The following PALLD variants were observed in gnomAD, a reference collection of about 807,000 sequenced individuals.
The protein encoded by PALLD is palladin.
In PALLD, 61 loss-of-function variants were observed where a neutral mutation model predicts 123.5. The ratio of observed to expected loss-of-function variants is 0.49; its 90% CI spans 0.40 to 0.61. PALLD has a LOEUF of 0.61. PALLD is among the 20% of genes least tolerant of loss of function. PALLD has a pLI of 0.00. For missense variants in PALLD, 1,273 were observed against 1,377.0 expected (o/e 0.92, Z 1.20); for synonymous variants, 465 against 496.4 (o/e 0.94, Z 0.84).
chr4:168,796,465 G>A (rs1185410248), intron 10 of PALLD, among the ~76,000 whole-genome samples: 1 of 152,186 alleles, frequency 6.6e-6, no homozygotes, highest in Non-Finnish European at 1.5e-5. Flanking sequence ...GTCTCATCAT[G>A]CATTATTTGC....
intron 2 of PALLD, among the ~76,000 whole-genome samples, chr4:168,601,454 AC>A (rs973782374): frequency 9.9e-5 from 15 of 152,046 alleles, no homozygotes; most frequent in African/African-American, 3.4e-4. Flanking sequence ...CACCACTACC[AC>A]CGTCACCACC....
Position 168,511,663 on chromosome 4 carries a change from C to A in PALLD, c.159C>A (p.Ser53=). Residue 53 remains serine, a synonymous_variant, in exon 2 of 22, where the codon TCC becomes TCA. Transcript: ENST00000505667. The stretch of plus-strand genomic sequence containing the variant: ...TGGCCCGGAGAGCCATAGCCGACTC[C>A]GAAACAGAAGATTTTGACTCGGAAA... ...LDLARRAIAD[S]ETEDFDSEKE... 1 of 1,614,120 alleles carries A rather than the reference C, an allele frequency of 6.2e-7. No homozygotes were observed. The highest frequency in any genetic ancestry group is 8.5e-7 in the Non-Finnish European group (1 of 1,180,022).
rs767777801 is a variant in PALLD at position 168,850,523 on chromosome 4, C to CTTTTT, written c.1965-40375_1965-40371dup. On this transcript the variant is annotated intron_variant, in intron 10 of 21. Coordinates refer to ENST00000505667, the MANE Select transcript of PALLD (RefSeq NM_001166108.2). Reference sequence around the variant, plus strand: ...TATATAATTTGTAAGTCTGTCATTTCTTTTTTTTTTTTTTTTTTTTTTTTT... The same window carrying CTTTTT: ...TATATAATTTGTAAGTCTGTCATTTCTTTTTTTTTTTTTTTTTTTTTTTTTTTTTT... Among the ~76,000 whole-genome samples the CTTTTT allele has an allele frequency of 3.9e-3, 137 of 34,706 alleles. 20 individuals are homozygous for CTTTTT. The highest frequency in any genetic ancestry group is 4.9e-3 in the Non-Finnish European group (105 of 21,434). 22.8% of individuals were successfully genotyped at this position (34,706 alleles called of 152,430 possible). A position where few individuals can be genotyped will look rare whatever the true frequency, so the allele number is the denominator to read the frequency against.
At chr4:168,602,942 A>C in intron 2 of PALLD, among the ~76,000 whole-genome samples, 1 of 152,136 alleles carries the variant, frequency 6.6e-6, no homozygotes. Context: ...TTAAAAAAAA[A>C]AAAATTGCAG....
intron 2 of PALLD, among the ~76,000 whole-genome samples, chr4:168,566,631 G>T (rs909376689): frequency 1.3e-5 from 2 of 152,054 alleles, no homozygotes; most frequent in African/African-American, 4.8e-5. Context: ...AAATTGTACT[G>T]ATTCTTGAGT....
At chr4:168,843,327 C>T (rs950804239) in intron 10 of PALLD, among the ~76,000 whole-genome samples, 15 of 151,274 alleles carry the variant, frequency 9.9e-5, no homozygotes, top group Middle Eastern at 3.4e-3. Context: ...ACCTGGTCAG[C>T]GCTTATCTTC....
intron 3 of PALLD, among the ~76,000 whole-genome samples, chr4:168,675,663 T>A (rs761450432): frequency 6.6e-6 from 1 of 152,344 alleles, no homozygotes; most frequent in East Asian, 1.9e-4. Flanking sequence ...GTTAATCCAC[T>A]GGGGTGGTGC....
At chr4:168,656,603 G>A (rs1193052636) in intron 2 of PALLD, among the ~76,000 whole-genome samples, 9 of 152,108 alleles carry the variant, frequency 5.9e-5, no homozygotes, top group Admixed American at 2.0e-4. Context: ...TAGTTTACCC[G>A]AAACAGTTAT....
At chr4:168,748,057 A>C (rs1324176799) in intron 10 of PALLD, among the ~76,000 whole-genome samples, 1 of 152,240 alleles carries the variant, frequency 6.6e-6, no homozygotes, top group Non-Finnish European at 1.5e-5. Context: ...GGACGGAGGA[A>C]CAGGAGAAAA....
At chr4:168,750,154 C>G (rs2150381273) in intron 10 of PALLD, among the ~76,000 whole-genome samples, 1 of 152,200 alleles carries the variant, frequency 6.6e-6, no homozygotes, top group African/African-American at 2.4e-5. Context: ...ACCATGTTGG[C>G]CAGGCTGGTC....
intron 9 of PALLD, 111 bp from the exon 10 acceptor site, chr4:168,711,470 C>G: frequency 1.2e-6 from 1 of 831,786 alleles, no homozygotes; most frequent in East Asian, 2.5e-5. Flanking sequence ...ATCACCTCTT[C>G]TTTAACAACT....
At chr4:168,510,741 C>G (rs1489605710) in intron 1 of PALLD, among the ~76,000 whole-genome samples, 1 of 152,206 alleles carries the variant, frequency 6.6e-6, no homozygotes, top group Non-Finnish European at 1.5e-5. Context: ...CATGCTCATT[C>G]ATTTCCATCA....
intron 3 of PALLD, among the ~76,000 whole-genome samples, chr4:168,677,597 T>C (rs1307393358): frequency 6.6e-6 from 1 of 152,164 alleles, no homozygotes; most frequent in African/African-American, 2.4e-5. Flanking sequence ...AGAGTGTGTG[T>C]GATAACTTCC....
intron 4 of PALLD, 98 bp downstream of exon 4, chr4:168,681,496 T>A: frequency 1.3e-6 from 1 of 771,510 alleles, no homozygotes; most frequent in Non-Finnish European, 2.3e-6. Context: ...AAGAAAAAAG[T>A]CAACTGATGT....
chr4:168,883,214 G>C lies in PALLD; in HGVS notation c.1965-7708G>C, dbSNP rs137933125. Reference sequence around the variant, plus strand: ...TATTTTCCTTTAAATATGAGCTTAAGTTACCCATTTTTTGTACTTTAACAG... The same window carrying C: ...TATTTTCCTTTAAATATGAGCTTAACTTACCCATTTTTTGTACTTTAACAG... On this transcript the variant is annotated intron_variant, in intron 10 of 21. Transcript: ENST00000505667. Among the ~76,000 whole-genome samples, 781 of 151,962 alleles carry C rather than the reference G, an allele frequency of 5.1e-3. 5 individuals are homozygous for C. Among genetic ancestry groups the C allele is most frequent in the Non-Finnish European group, 8.2e-3 (556 of 67,990 alleles).
At chr4:168,576,384 C>G (rs1429812900) in intron 2 of PALLD, among the ~76,000 whole-genome samples, 6 of 152,008 alleles carry the variant, frequency 3.9e-5, no homozygotes, top group Admixed American at 3.3e-4. Context: ...ATCCGTCCCC[C>G]CTCCCCCAAC....
At chr4:168,777,810 G>A (rs981581134) in intron 10 of PALLD, among the ~76,000 whole-genome samples, 2 of 152,104 alleles carry the variant, frequency 1.3e-5, no homozygotes, top group African/African-American at 4.8e-5. Context: ...CTTTACATGC[G>A]TGGGACTCTC....
At chr4:168,693,190 C>G (rs60200611) in intron 8 of PALLD, among the ~76,000 whole-genome samples, 1 of 142,774 alleles carries the variant, frequency 7.0e-6, no homozygotes, top group African/African-American at 2.7e-5. Context: ...ACTTATCCTA[C>G]ATACACTCCT....
chr4:168,577,272 C>A (rs1340935606), intron 2 of PALLD, among the ~76,000 whole-genome samples: 1 of 152,076 alleles, frequency 6.6e-6, no homozygotes, highest in Non-Finnish European at 1.5e-5. Flanking sequence ...GGCCAAGACT[C>A]AGCTATTGTT....
Sources: gnomAD v4.1 joint callset for allele counts (sites outside exome capture counted in the v4.1 genomes callset) on GRCh38, gnomAD v4.1.1 for gene constraint, MANE v1.5 for transcripts, NCBI Gene and HGNC (gene_info 2026-07-23, HGNC 2026-07-21) for gene names.